The following SBF2 variants were observed in gnomAD, a reference collection of about 807,000 sequenced individuals.
SBF2 encodes SET binding factor 2, also known as myotubularin-related protein 13.
Under a neutral mutation model 225.2 loss-of-function variants are expected in SBF2, and 112 were observed. The ratio of observed to expected loss-of-function variants is 0.50; its 90% CI spans 0.43 to 0.58. The LOEUF is 0.58. Ranked by LOEUF, SBF2 falls within the 20% of genes least tolerant of loss-of-function variation. SBF2 has a pLI of 0.00. For synonymous variants in SBF2, 763 were observed against 773.3 expected (o/e 0.99, Z 0.22); for missense variants, 1,996 against 2,206.2 (o/e 0.90, Z 1.91).
At chr11:9,945,776 T>G (rs189595336) in intron 16 of SBF2, among the ~76,000 whole-genome samples, 8 of 152,206 alleles carry the variant, frequency 5.3e-5, no homozygotes, top group Admixed American at 4.6e-4. Context: ...GCAAAGGACA[T>G]GAACAGACAC....
chr11:10,079,100 G>A (rs909906144), intron 2 of SBF2, among the ~76,000 whole-genome samples: 5 of 151,914 alleles, frequency 3.3e-5, no homozygotes, highest in Admixed American at 6.6e-5. Context: ...AAGAAGAAGC[G>A]ACTGTTACCC....
intron 2 of SBF2, among the ~76,000 whole-genome samples, chr11:10,180,897 T>C (rs1056641740): frequency 6.6e-6 from 1 of 152,120 alleles, no homozygotes; most frequent in African/African-American, 2.4e-5. Context: ...AATAGTAAAA[T>C]CTAACTTTTT....
Position 9,992,525 on chromosome 11 carries a change from G to A in SBF2, c.1186C>T (p.Arg396Cys), listed in dbSNP as rs1947483126. Residue 396 changes from arginine to cysteine, a missense_variant, in exon 12 of 40, where the codon CGT (arginine) becomes TGT (cysteine). Arg to Cys is a radical substitution (Grantham distance 180, BLOSUM62 -3). Coordinates refer to ENST00000256190, the MANE Select transcript of SBF2 (RefSeq NM_030962.4). Reference protein sequence around the residue: ...HFHKTAFLGQRGLVENDFLTK... With the variant: ...HFHKTAFLGQCGLVENDFLTK... ...AGGAAATCATTCTCGACCAAACCAC[G>A]CTGCCCCAAGAATGCTGTCTGTGAA... 1 of 1,612,166 alleles carries A rather than the reference G, an allele frequency of 6.2e-7. No homozygotes were observed. Among genetic ancestry groups the A allele is most frequent in the Non-Finnish European group, 8.5e-7 (1 of 1,179,082 alleles).
chr11:10,101,657 C>CTGTGTGTGTG (rs1394904122), intron 2 of SBF2, among the ~76,000 whole-genome samples: 4 of 94,232 alleles, frequency 4.2e-5, no homozygotes, highest in Middle Eastern at 5.0e-3. Flanking sequence ...CTCTCTCTCG[C>CTGTGTGTGTG]TCTGTGTGTG....
At chr11:10,000,275 C>T (rs1947902607) in intron 8 of SBF2, among the ~76,000 whole-genome samples, 2 of 152,248 alleles carry the variant, frequency 1.3e-5, no homozygotes, top group South Asian at 4.2e-4. Context: ...AGATTATTAC[C>T]TGAGAAAATT....
intron 16 of SBF2, among the ~76,000 whole-genome samples, chr11:9,915,947 C>T (rs1415796333): frequency 6.6e-6 from 1 of 152,032 alleles, no homozygotes; most frequent in East Asian, 1.9e-4. Context: ...ACCTGTAACC[C>T]CAGCTACTCT....
Position 10,028,448 on chromosome 11 carries a change from A to G in SBF2, c.619+4T>C, listed in dbSNP as rs1280595549. 6.4e-7 allele frequency: 1 copy of G among 1,574,596 alleles called. No individual in the cohort carries two copies. The highest frequency in any genetic ancestry group is 8.7e-7 in the Non-Finnish European group (1 of 1,144,014). On this transcript the variant is annotated splice_donor_region_variant and intron_variant, in intron 6 of 39. Transcript: ENST00000256190. ...TGACATTGAAAATGGGAGAAAAGAC[A>G]TACCCAATTGCTGGAACAGGAGAGC...
intron 1 of SBF2, among the ~76,000 whole-genome samples, chr11:10,247,055 A>C (rs2135476604): frequency 6.6e-6 from 1 of 152,308 alleles, no homozygotes; most frequent in East Asian, 1.9e-4. Context: ...CCACTGTGCT[A>C]GGTGACATAA....
intron 36 of SBF2, 165 bp from the exon 37 acceptor site, chr11:9,785,483 G>GAAAC (rs1852312306): frequency 3.1e-6 from 2 of 653,074 alleles, no homozygotes; most frequent in Admixed American, 5.0e-5. Flanking sequence ...TAAAAAACTG[G>GAAAC]AAACAACCTA....
At chr11:10,236,114 A>T in intron 1 of SBF2, among the ~76,000 whole-genome samples, 1 of 152,150 alleles carries the variant, frequency 6.6e-6, no homozygotes, top group East Asian at 1.9e-4. Context: ...ATAACCAGAA[A>T]GTACAAATGA....
At chr11:9,983,314 C>G (rs943477145) in intron 13 of SBF2, among the ~76,000 whole-genome samples, 1 of 152,140 alleles carries the variant, frequency 6.6e-6, no homozygotes, top group Non-Finnish European at 1.5e-5. Flanking sequence ...GGCTTTCCCC[C>G]ACTTTCCTGA....
chr11:10,100,684 C>G (rs1432265794), intron 2 of SBF2, among the ~76,000 whole-genome samples: 3 of 152,166 alleles, frequency 2.0e-5, no homozygotes, highest in African/African-American at 7.2e-5. Flanking sequence ...CTCCTTCCTT[C>G]TCCTGATCAG....
rs561692697 is a variant in SBF2 at position 10,017,554 on chromosome 11, A to T, written c.619+10898T>A. ...TAACTAAAACTTTATATAAAGTTTC[A>T]AATTTATCACTGAGAGGTAATGTTT... On this transcript the variant is annotated intron_variant, in intron 6 of 39. Coordinates refer to ENST00000256190, the MANE Select transcript of SBF2 (RefSeq NM_030962.4). Among the ~76,000 whole-genome samples the T allele has an allele frequency of 5.9e-5, 9 of 152,340 alleles. No homozygotes were observed. In the East Asian group the frequency reaches 1.7e-3, roughly 29 times the overall value.
intron 2 of SBF2, among the ~76,000 whole-genome samples, chr11:10,159,478 C>A (rs113414124): frequency 0.076 from 11,559 of 152,240 alleles, 623 homozygotes; most frequent in East Asian, 0.28. Context: ...AATAAACTGG[C>A]TCATCTGATC....
In SBF2 at chr11:10,230,943, A is replaced by G. The variant is rs184161957; in HGVS notation, c.56-36956T>C. On this transcript the variant is annotated intron_variant, in intron 1 of 39. Transcript: ENST00000256190. The stretch of plus-strand genomic sequence containing the variant: ...TCCATTCTCCCCGTCACTTTCAGGT[A>G]CACCAATCAGACATAGATTTGGTCT... Among the ~76,000 whole-genome samples the G allele has an allele frequency of 5.9e-3, 893 of 152,276 alleles. 14 individuals carry two copies. The highest frequency in any genetic ancestry group is 0.019 in the African/African-American group (809 of 41,560).
At chr11:10,222,116 G>C (rs2135408792) in intron 1 of SBF2, among the ~76,000 whole-genome samples, 1 of 152,294 alleles carries the variant, frequency 6.6e-6, no homozygotes, top group South Asian at 2.1e-4. Context: ...TCAAGAGACA[G>C]AGCTTGCAGT....
intron 2 of SBF2, among the ~76,000 whole-genome samples, chr11:10,180,352 A>G (rs1191649713): frequency 6.6e-6 from 1 of 152,066 alleles, no homozygotes; most frequent in Non-Finnish European, 1.5e-5. Context: ...ATACTATGCT[A>G]GGATAAAAGC....
chr11:10,238,260 C>T (rs954785027), intron 1 of SBF2, among the ~76,000 whole-genome samples: 4 of 151,820 alleles, frequency 2.6e-5, no homozygotes, highest in Non-Finnish European at 4.4e-5. Flanking sequence ...AACAGGAAAA[C>T]CAGCTGGGTG....
intron 1 of SBF2, among the ~76,000 whole-genome samples, chr11:10,206,747 T>C (rs1267809418): frequency 6.6e-6 from 1 of 152,088 alleles, no homozygotes; most frequent in Non-Finnish European, 1.5e-5. Flanking sequence ...TGGCATAGCA[T>C]AGAATCAGTG....
Sources: gnomAD v4.1 joint callset for allele counts (sites outside exome capture counted in the v4.1 genomes callset) on GRCh38, gnomAD v4.1.1 for gene constraint, MANE v1.5 for transcripts, NCBI Gene and HGNC (gene_info 2026-07-23, HGNC 2026-07-21) for gene names.